The following CREB5 variants were observed in gnomAD, a reference collection of about 807,000 sequenced individuals.
The protein encoded by CREB5 is cyclic AMP-responsive element-binding protein 5.
CREB5 carries 19 observed loss-of-function variants against 57.1 expected under a neutral mutation model. The ratio of observed to expected loss-of-function variants is 0.33; its 90% CI spans 0.23 to 0.49. The LOEUF is 0.49. Ranked by LOEUF, CREB5 falls within the 20% of genes least tolerant of loss-of-function variation. CREB5 has a pLI of 0.99. For missense variants in CREB5, 579 were observed against 671.6 expected, an observed-to-expected ratio of 0.86 and a Z score of 1.52; for synonymous variants, 238 against 238.3, an observed-to-expected ratio of 1.00 and a Z score of 0.01.
chr7:28,646,893 A>T (rs895773165), intron 5 of CREB5, among the ~76,000 whole-genome samples: 6 of 152,090 alleles, frequency 3.9e-5, no homozygotes, highest in African/African-American at 1.4e-4. Flanking sequence ...AGGAGCAACA[A>T]TAACAACACT....
At chr7:28,390,102 G>A (rs1358949873) in intron 1 of CREB5, among the ~76,000 whole-genome samples, 1 of 151,270 alleles carries the variant, frequency 6.6e-6, no homozygotes, top group African/African-American at 2.4e-5. Flanking sequence ...AGAGGGCAAA[G>A]AGGATCTTCT....
intron 1 of CREB5, among the ~76,000 whole-genome samples, chr7:28,365,032 A>G (rs1356868846): frequency 1.3e-5 from 2 of 152,042 alleles, no homozygotes; most frequent in African/African-American, 4.8e-5. Context: ...AACACCCTGA[A>G]TCTCAGCTCC....
At chr7:28,808,925 G>GA (rs1414998231) in intron 8 of CREB5, among the ~76,000 whole-genome samples, 1 of 151,960 alleles carries the variant, frequency 6.6e-6, no homozygotes, top group Non-Finnish European at 1.5e-5. Context: ...GCCTGTCAGG[G>GA]AAAAATCCAT....
intron 1 of CREB5, among the ~76,000 whole-genome samples, chr7:28,444,402 C>T (rs1789332682): frequency 6.6e-6 from 1 of 152,114 alleles, no homozygotes; most frequent in African/African-American, 2.4e-5. Context: ...ACTCAGGAAG[C>T]TAGTTTGCCA....
At chr7:28,320,271 G>A (rs758439486) in intron 1 of CREB5, among the ~76,000 whole-genome samples, 4 of 151,896 alleles carry the variant, frequency 2.6e-5, no homozygotes, top group Admixed American at 1.3e-4. Flanking sequence ...CCATGTAGTC[G>A]GCACAAATTA....
intron 5 of CREB5, among the ~76,000 whole-genome samples, chr7:28,617,077 A>G (rs1797621857): frequency 6.6e-6 from 1 of 152,228 alleles, no homozygotes; most frequent in African/African-American, 2.4e-5. Flanking sequence ...CTTTCTAAAA[A>G]TCATCCACAA....
intron 5 of CREB5, among the ~76,000 whole-genome samples, chr7:28,590,672 T>TATTATAATA (rs923629477): frequency 1.4e-5 from 2 of 142,972 alleles, no homozygotes; most frequent in African/African-American, 5.1e-5. Context: ...GAACTTAAAG[T>TATTATAATA]ATAATAATAA....
chr7:28,658,953 G>GTGTGTGTATATA (rs1400561698), intron 5 of CREB5, among the ~76,000 whole-genome samples: 87 of 99,596 alleles, frequency 8.7e-4, no homozygotes, highest in African/African-American at 2.7e-3. Context: ...GTGTGTGTGT[G>GTGTGTGTATATA]TATATATATA....
chr7:28,480,732 G>C (rs1242962200), intron 1 of CREB5, among the ~76,000 whole-genome samples: 1 of 152,190 alleles, frequency 6.6e-6, no homozygotes, highest in Non-Finnish European at 1.5e-5. Flanking sequence ...TCTTCTGCAA[G>C]AAAGTATATT....
intron 5 of CREB5, among the ~76,000 whole-genome samples, chr7:28,628,189 G>A (rs367874087): frequency 1.3e-5 from 2 of 151,588 alleles, no homozygotes; most frequent in Admixed American, 6.6e-5. Flanking sequence ...CATATCTCTC[G>A]TCAGTCTTTA....
chr7:28,448,700 G>C (rs1331864017), intron 1 of CREB5, among the ~76,000 whole-genome samples: 2 of 152,244 alleles, frequency 1.3e-5, no homozygotes, highest in African/African-American at 4.8e-5. Flanking sequence ...AGTCTCTGCA[G>C]GGGTAGATGG....
At chr7:28,499,952 A>T (rs1480504547) in intron 3 of CREB5, among the ~76,000 whole-genome samples, 1 of 152,168 alleles carries the variant, frequency 6.6e-6, no homozygotes, top group African/African-American at 2.4e-5. Flanking sequence ...GCTATAGGCA[A>T]CTGGTCTGTG....
At chr7:28,347,040 C>T (rs1786072793) in intron 1 of CREB5, among the ~76,000 whole-genome samples, 1 of 152,130 alleles carries the variant, frequency 6.6e-6, no homozygotes, top group Non-Finnish European at 1.5e-5. Context: ...ATACTTGAAC[C>T]CAATTGCTCT....
At position 28,809,281 on chromosome 7, in the gene CREB5, C is replaced by A. The variant is rs758801443; in HGVS notation, c.1121C>A (p.Pro374Gln). The A allele has an allele frequency of 1.9e-6, 3 of 1,614,036 alleles. No individual in the cohort carries two copies. In the East Asian group the frequency reaches 6.7e-5, roughly 36 times the overall value. The change falls in exon 9 of 11, where the codon CCG (proline) becomes CAG (glutamine). Residue 374 changes from proline to glutamine, a missense_variant. Physicochemically the swap from Pro to Gln is moderately conservative, Grantham distance 76. This residue lies in a region of CREB5 where 459 missense variants were observed against 515.7 expected (regional missense o/e 0.89). Coordinates refer to ENST00000357727, the MANE Select transcript of CREB5 (RefSeq NM_182898.4). ...CGGCGAAGGGTGGTAGACGAGGATCCGGACGAGAGGCGGCGGAAATTTCTG... is the reference window on the plus strand; with the variant it reads ...CGGCGAAGGGTGGTAGACGAGGATCAGGACGAGAGGCGGCGGAAATTTCTG... ...GRRRRVVDED[P>Q]DERRRKFLER...
In CREB5 at chr7:28,494,961, T is replaced by C. The variant is rs769485767; in HGVS notation, c.131T>C (p.Leu44Ser). 6.2e-7 allele frequency: 1 copy of C among 1,609,382 alleles called. No individual in the cohort carries two copies. Residue 44 changes from leucine (L) to serine (S), a missense_variant, in exon 3 of 11, where the codon TTG (leucine) becomes TCG (serine). Physicochemically the swap from Leu to Ser is moderately radical, Grantham distance 145 (BLOSUM62 -2). Coordinates refer to ENST00000357727, the MANE Select transcript of CREB5 (RefSeq NM_182898.4). ...MIHRHKHEMT[L>S]KFPSIKTDNM... ...CATAGGCACAAACATGAAATGACTT[T>C]GAAGTTTCCTTCAATAAAAACAGAC...
chr7:28,330,401 C>CCTTTTT (rs775917974), intron 1 of CREB5, among the ~76,000 whole-genome samples: 10 of 88,530 alleles, frequency 1.1e-4, no homozygotes, highest in South Asian at 4.2e-4. Flanking sequence ...GAGAACCTTA[C>CCTTTTT]TTTTTTTTTT....
intron 4 of CREB5, among the ~76,000 whole-genome samples, chr7:28,551,882 CTTTT>C (rs1794665321): frequency 6.8e-6 from 1 of 146,470 alleles, no homozygotes; most frequent in African/African-American, 2.5e-5. Context: ...TTCTTTCTTT[CTTTT>C]CTTTCTTTCT....
intron 1 of CREB5, among the ~76,000 whole-genome samples, chr7:28,430,100 G>A (rs1163177762): frequency 6.6e-6 from 1 of 152,206 alleles, no homozygotes; most frequent in Non-Finnish European, 1.5e-5. Context: ...TAAGCTTTCA[G>A]AGGTGCCTGT....
rs1337535590 is a variant in CREB5 at position 28,560,899 on chromosome 7, T to TGCGTGC, written c.292-9463_292-9462insTGCGCG. On this transcript the variant is annotated intron_variant, in intron 4 of 10. Coordinates refer to ENST00000357727, the MANE Select transcript of CREB5 (RefSeq NM_182898.4). ...GCGTGCGTGCGTGCGTGTGTGTGCG[T>TGCGTGC]GCGCGCGTGCGTGTGCGTGTGTGCG... 3.4e-3 allele frequency among the ~76,000 whole-genome samples: 63 copies of TGCGTGC among 18,662 alleles called. 8 individuals carry two copies. The highest frequency in any genetic ancestry group is 0.059 in the Middle Eastern group (2 of 34). 12.2% of individuals were successfully genotyped at this position (18,662 alleles called of 152,430 possible).
Sources: gnomAD v4.1 joint callset for allele counts (sites outside exome capture counted in the v4.1 genomes callset) on GRCh38, gnomAD v4.1.1 for gene constraint, gnomAD v4.1.1 regional missense constraint, MANE v1.5 for transcripts, NCBI Gene and HGNC (gene_info 2026-07-23, HGNC 2026-07-21) for gene names.